CPA4: variants seen among roughly 807,000 people sequenced by gnomAD.
CPA4 encodes the protein carboxypeptidase A4.
Under a neutral mutation model 54.7 loss-of-function variants are expected in CPA4, and 49 were observed. That is an observed-to-expected ratio of 0.90 (90% CI 0.71 to 1.14). The LOEUF (loss-of-function observed/expected upper bound fraction) is 1.14, where lower values mean the gene tolerates loss of function less well. Ranked by LOEUF, CPA4 falls within the 50% of genes most tolerant of loss-of-function variation. The pLI is 0.00. For missense variants in CPA4, 487 were observed against 525.1 expected, an observed-to-expected ratio of 0.93 and a Z score of 0.71; for synonymous variants, 215 against 206.8, an observed-to-expected ratio of 1.04 and a Z score of -0.34.
In CPA4 at chr7:130,322,698, CATTT is replaced by C; in HGVS notation, c.*27_*30del. 1.2e-6 allele frequency: 2 copies of C among 1,602,962 alleles called. No homozygotes were observed. The highest frequency in any genetic ancestry group is 1.7e-6 in the Non-Finnish European group (2 of 1,174,488). On this transcript the variant is annotated 3_prime_UTR_variant, in exon 11 of 11. Transcript: ENST00000222482. The stretch of plus-strand genomic sequence containing the variant: ...CTAGGCGATGGCTCTGCTCTGTCTA[CATTT>C]ATTTGTACCCACACGTGCACGCACT...
intron 10 of CPA4, among the ~76,000 whole-genome samples, chr7:130,317,166 C>G (rs145909048): frequency 1.3e-5 from 2 of 152,050 alleles, no homozygotes; most frequent in African/African-American, 2.4e-5. Context: ...ATGACAGGCA[C>G]GAGCCAGTGC....
chr7:130,312,795 T>C (rs969777648), intron 10 of CPA4, among the ~76,000 whole-genome samples: 1 of 151,676 alleles, frequency 6.6e-6, no homozygotes, highest in African/African-American at 2.4e-5. Context: ...TATTTAAGGG[T>C]TTAGGGAGGG....
At chr7:130,294,006 G>C (rs933285960) in intron 1 of CPA4, among the ~76,000 whole-genome samples, 1 of 152,168 alleles carries the variant, frequency 6.6e-6, no homozygotes, top group Non-Finnish European at 1.5e-5. Flanking sequence ...ATGGTGCCCT[G>C]TTAGAAGACT....
At chr7:130,305,783 C>A (rs375297697) in intron 5 of CPA4, 33 bp from the exon 6 acceptor site, 19 of 1,497,410 alleles carry the variant, frequency 1.3e-5, no homozygotes, top group African/African-American at 2.8e-5. Flanking sequence ...TGCGGGCAGG[C>A]GGTCATTTTC....
At chr7:130,299,083 TCTGCCAGATA>T (rs2117133750) in intron 2 of CPA4, among the ~76,000 whole-genome samples, 177 bp from the exon 3 acceptor site, 1 of 152,378 alleles carries the variant, frequency 6.6e-6, no homozygotes, top group East Asian at 1.9e-4. Flanking sequence ...ACTCTTGGTC[TCTGCCAGATA>T]CTGCTTGTTG....
At chr7:130,312,580 T>C (rs1385646592) in intron 10 of CPA4, among the ~76,000 whole-genome samples, 6 of 152,180 alleles carry the variant, frequency 3.9e-5, no homozygotes, top group African/African-American at 1.4e-4. Flanking sequence ...GCTGTTCTCA[T>C]GATAGTGAGT....
chr7:130,295,797 T>A (rs111352449), intron 1 of CPA4, among the ~76,000 whole-genome samples: 1 of 151,906 alleles, frequency 6.6e-6, no homozygotes, highest in Non-Finnish European at 1.5e-5. Context: ...CTGACCAACA[T>A]AGAGAAACCC....
At chr7:130,294,138 A>G (rs1793614513) in intron 1 of CPA4, among the ~76,000 whole-genome samples, 1 of 152,138 alleles carries the variant, frequency 6.6e-6, no homozygotes, top group Non-Finnish European at 1.5e-5. Context: ...CCACTTAAAC[A>G]TGAAAAAAAT....
intron 9 of CPA4, among the ~76,000 whole-genome samples, chr7:130,311,811 A>T (rs191641525): frequency 6.6e-6 from 1 of 151,950 alleles, no homozygotes; most frequent in Non-Finnish European, 1.5e-5. Flanking sequence ...TCCTCCCCCA[A>T]ACTGGGAGTC....
intron 10 of CPA4, among the ~76,000 whole-genome samples, chr7:130,316,663 C>T (rs573568538): frequency 7.2e-5 from 11 of 152,160 alleles, no homozygotes; most frequent in African/African-American, 2.2e-4. Context: ...TGAGGCTGGG[C>T]GCGTTGGCTC....
intron 4 of CPA4, among the ~76,000 whole-genome samples, chr7:130,303,131 T>G (rs553978709): frequency 5.9e-5 from 9 of 152,350 alleles, no homozygotes; most frequent in African/African-American, 2.2e-4. Flanking sequence ...CTATATTAAT[T>G]ACACATTTTC....
Position 130,310,800 on chromosome 7 carries a change from C to A in CPA4, c.807C>A (p.Ser269Arg). The change falls in exon 9 of 11, where the codon AGC becomes AGA. Residue 269 changes from serine to arginine, a missense_variant. Transcript: ENST00000222482. The surrounding 1 kb of genome is among the most constrained non-coding windows in gnomAD (Gnocchi z 4.3). ...WNASFAGKGA[S>R]DNPCSEVYHG... is the part of the protein sequence containing the mutation. Reference sequence around the variant, plus strand: ...TATCCCCAACAGGAAAGGGAGCCAGCGACAACCCTTGCTCCGAAGTGTACC... The same window carrying A: ...TATCCCCAACAGGAAAGGGAGCCAGAGACAACCCTTGCTCCGAAGTGTACC... 6.2e-7 allele frequency: 1 copy of A among 1,613,970 alleles called. No individual in the cohort carries two copies. The highest frequency in any genetic ancestry group is 8.5e-7 in the Non-Finnish European group (1 of 1,179,808).
chr7:130,313,722 A>G (rs1793947784), intron 10 of CPA4, among the ~76,000 whole-genome samples: 1 of 152,188 alleles, frequency 6.6e-6, no homozygotes, highest in South Asian at 2.1e-4. Flanking sequence ...GAATGGGTAA[A>G]GGTTGATTAG....
At chr7:130,302,830 G>A (rs1793760687) in intron 4 of CPA4, among the ~76,000 whole-genome samples, 1 of 152,082 alleles carries the variant, frequency 6.6e-6, no homozygotes. Context: ...AGCTCCTTGT[G>A]CCATGCTGGG....
chr7:130,318,642 C>T (rs1023196679), intron 10 of CPA4, among the ~76,000 whole-genome samples: 1 of 152,164 alleles, frequency 6.6e-6, no homozygotes, highest in Non-Finnish European at 1.5e-5. Flanking sequence ...AGCTCCCGAC[C>T]TCAGGTGATC....
chr7:130,320,971 G>A (rs1241893882), intron 10 of CPA4, among the ~76,000 whole-genome samples: 1 of 152,156 alleles, frequency 6.6e-6, no homozygotes, highest in African/African-American at 2.4e-5. Context: ...GGCTGAGGTG[G>A]GATGATCACT....
rs1292264535 is a variant in CPA4 at position 130,295,396 on chromosome 7, G to A, written c.68+2148G>A. On this transcript the variant is annotated intron_variant, in intron 1 of 10. Transcript: ENST00000222482. Reference sequence around the variant, plus strand: ...TCTATTGGAGAGGATCAAGTTAAGAGGAGCTGTGAGAACACCTGTGTGGAG... The same window carrying A: ...TCTATTGGAGAGGATCAAGTTAAGAAGAGCTGTGAGAACACCTGTGTGGAG... Among the ~76,000 whole-genome samples, 5 of 152,326 alleles carry A rather than the reference G, an allele frequency of 3.3e-5. No individual in the cohort carries two copies. The East Asian group carries it at 9.6e-4, about 29-fold the overall frequency.
Position 130,306,874 on chromosome 7 carries a change from G to A in CPA4, c.679G>A (p.Gly227Arg), listed in dbSNP as rs1390573034. 1 of 1,601,190 alleles carries A rather than the reference G, an allele frequency of 6.2e-7. No individual in the cohort carries two copies. The highest frequency in any genetic ancestry group is 1.3e-5 in the African/African-American group (1 of 74,668). ...IFLLPVANPDGYVYTQTQNRL... is the reference protein window; with the variant it reads ...IFLLPVANPDRYVYTQTQNRL... ...CTTGTTGCCTGTGGCCAATCCTGAT[G>A]GATATGTGTATACTCAAACTCAAGT... The change falls in exon 7 of 11, where the codon GGA (glycine) becomes AGA (arginine). Residue 227 changes from glycine (G) to arginine (R), a missense_variant. By Grantham distance (125) the Gly-to-Arg change is moderately radical. Transcript: ENST00000222482.
In CPA4 at chr7:130,312,903, G is replaced by A. The variant is rs911280311; in HGVS notation, c.1078+781G>A. Among the ~76,000 whole-genome samples, 7 of 152,204 alleles carry A rather than the reference G, an allele frequency of 4.6e-5. No individual in the cohort carries two copies. In the South Asian group the frequency reaches 1.5e-3, roughly 32 times the overall value. ...CAGAGCGGAGATTGTCTTGGGGTTGGCATGTTTCTGGTTGGAGGGGAGGTT... is the reference window on the plus strand; with the variant it reads ...CAGAGCGGAGATTGTCTTGGGGTTGACATGTTTCTGGTTGGAGGGGAGGTT... On this transcript the variant is annotated intron_variant, in intron 10 of 10. Coordinates refer to ENST00000222482, the MANE Select transcript of CPA4 (RefSeq NM_016352.4).
Sources: gnomAD v4.1 joint callset for allele counts (sites outside exome capture counted in the v4.1 genomes callset) on GRCh38, gnomAD v4.1.1 for gene constraint, Gnocchi (gnomAD v3.1) non-coding constraint, MANE v1.5 for transcripts, NCBI Gene and HGNC (gene_info 2026-07-23, HGNC 2026-07-21) for gene names.